Variants in SMIM35 observed in about 807,000 individuals in gnomAD.
SMIM35 encodes TMPRSS4 antisense RNA 1 (non-protein coding).
intron 1 of SMIM35, among the ~76,000 whole-genome samples, chr11:118,074,145 G>T (rs1944615897): frequency 6.6e-6 from 1 of 152,190 alleles, no homozygotes; most frequent in Non-Finnish European, 1.5e-5. Flanking sequence ...GTATGATTGT[G>T]TGAACATATT....
At chr11:118,044,792 T>C (rs1944068918) in intron 1 of SMIM35, among the ~76,000 whole-genome samples, 2 of 62,232 alleles carry the variant, frequency 3.2e-5, no homozygotes, top group Admixed American at 1.8e-4. Flanking sequence ...AAAAAAAAGT[T>C]CATTCTACTA....
intron 1 of SMIM35, among the ~76,000 whole-genome samples, chr11:118,044,630 C>T (rs1421330296): frequency 6.6e-6 from 1 of 151,652 alleles, no homozygotes; most frequent in Non-Finnish European, 1.5e-5. Flanking sequence ...AAAAATTAGC[C>T]AGGCGTGGTG....
chr11:118,031,216 A>G (rs751389783), intron 1 of SMIM35, among the ~76,000 whole-genome samples: 1 of 152,162 alleles, frequency 6.6e-6, no homozygotes, highest in Non-Finnish European at 1.5e-5. Flanking sequence ...AGATATAGAA[A>G]CGGACATAGA....
At chr11:118,011,385 C>T (rs985019825) in intron 4 of SMIM35, among the ~76,000 whole-genome samples, 3 of 152,096 alleles carry the variant, frequency 2.0e-5, no homozygotes, top group Admixed American at 6.5e-5. Flanking sequence ...AGGCAGGGTG[C>T]GGGTACAGAG....
At chr11:118,082,725 C>T (rs552774856) in intron 1 of SMIM35, among the ~76,000 whole-genome samples, 1 of 151,848 alleles carries the variant, frequency 6.6e-6, no homozygotes, top group Non-Finnish European at 1.5e-5. Context: ...GAAAAAAAAA[C>T]CCAAATTACC....
At chr11:118,048,146 A>G (rs1215648283) in intron 1 of SMIM35, among the ~76,000 whole-genome samples, 2 of 152,262 alleles carry the variant, frequency 1.3e-5, no homozygotes, top group African/African-American at 4.8e-5. Context: ...CTTAACTAGC[A>G]TATCAAATCC....
At chr11:118,048,542 G>T (rs1944142195) in intron 1 of SMIM35, among the ~76,000 whole-genome samples, 1 of 4,218 alleles carries the variant, frequency 2.4e-4, no homozygotes, top group African/African-American at 4.8e-4. Context: ...AAGAAAGAAG[G>T]AAGGAAGGAA....
At chr11:118,039,387 T>C (rs979577347) in intron 1 of SMIM35, among the ~76,000 whole-genome samples, 1 of 152,092 alleles carries the variant, frequency 6.6e-6, no homozygotes, top group Non-Finnish European at 1.5e-5. Flanking sequence ...AGGAGTTCTG[T>C]AATGGCCTCT....
chr11:118,016,038 G>A (rs59872579), intron 1 of SMIM35, among the ~76,000 whole-genome samples: 14,372 of 152,232 alleles, frequency 0.094, 945 homozygotes, highest in East Asian at 0.37. Flanking sequence ...CAAAGGAATA[G>A]TCCTCTGATA....
intron 1 of SMIM35, among the ~76,000 whole-genome samples, chr11:118,064,576 G>C (rs920477819): frequency 6.6e-5 from 10 of 152,198 alleles, no homozygotes; most frequent in African/African-American, 2.4e-4. Context: ...GTGCCATCGT[G>C]CCTGGCTTTT....
At chr11:118,009,911 A>G (rs1437880216) in intron 4 of SMIM35, among the ~76,000 whole-genome samples, 3 of 152,194 alleles carry the variant, frequency 2.0e-5, no homozygotes, top group African/African-American at 7.2e-5. Flanking sequence ...CTTATACTAC[A>G]TTCAGTTCTC....
chr11:118,039,536 T>C (rs888494141), intron 1 of SMIM35, among the ~76,000 whole-genome samples: 17 of 151,332 alleles, frequency 1.1e-4, no homozygotes, highest in African/African-American at 4.1e-4. Context: ...ATGGCAAAAC[T>C]CCATCTCTAC....
intron 1 of SMIM35, among the ~76,000 whole-genome samples, chr11:118,069,369 T>A (rs1944535722): frequency 6.6e-6 from 1 of 152,210 alleles, no homozygotes; most frequent in Admixed American, 6.5e-5. Flanking sequence ...TTGCCTGAAC[T>A]ATTGGCACTG....
chr11:118,074,558 T>G (rs1487913218), intron 1 of SMIM35, among the ~76,000 whole-genome samples: 1 of 151,872 alleles, frequency 6.6e-6, no homozygotes, highest in Admixed American at 6.6e-5. Context: ...ACCAGCCTTG[T>G]CAACATGGTG....
intron 1 of SMIM35, among the ~76,000 whole-genome samples, chr11:118,045,330 GCA>G (rs34102097): frequency 0.13 from 18,951 of 145,980 alleles, 1,334 homozygotes; most frequent in African/African-American, 0.19. Flanking sequence ...ATACACACAT[GCA>G]CACACACACA....
rs936918128 is a variant in SMIM35 at position 118,006,048 on chromosome 11, G to GAAGAC, written c.*357_*361dup. The stretch of plus-strand genomic sequence containing the variant: ...GCGCTTTCTGGGAGGCCTCCTTGGG[G>GAAGAC]AAGACAAGACAAAGGTTCTGAAAAC... On this transcript the variant is annotated 3_prime_UTR_variant, in exon 5 of 5. Coordinates refer to ENST00000689828, the MANE Select transcript of SMIM35 (RefSeq NM_001394165.1). The GAAGAC allele has an allele frequency of 2.6e-5, 4 of 152,498 alleles. No homozygotes were observed. The highest frequency in any genetic ancestry group is 4.8e-5 in the African/African-American group (2 of 41,564). 9.4% of individuals were successfully genotyped at this position (152,498 alleles called of 1,614,324 possible). A position where few individuals can be genotyped will look rare whatever the true frequency, so the allele number is the denominator to read the frequency against.
chr11:118,054,331 T>C (rs1394393881), intron 1 of SMIM35, among the ~76,000 whole-genome samples: 1 of 152,234 alleles, frequency 6.6e-6, no homozygotes, highest in African/African-American at 2.4e-5. Context: ...ATGTCCTTTC[T>C]GTACATCTGC....
chr11:118,041,046 A>T (rs553232569), intron 1 of SMIM35, among the ~76,000 whole-genome samples: 2 of 152,128 alleles, frequency 1.3e-5, no homozygotes, highest in South Asian at 4.1e-4. Context: ...TCTATACATC[A>T]CTGGTATTAA....
chr11:118,016,337 T>C (rs372271632), intron 1 of SMIM35, among the ~76,000 whole-genome samples: 21 of 152,360 alleles, frequency 1.4e-4, no homozygotes, highest in African/African-American at 3.1e-4. Flanking sequence ...TTATATTTTA[T>C]TTGTAAAGTC....
Sources: allele counts gnomAD v4.1 joint callset (sites outside exome capture counted in the v4.1 genomes callset), GRCh38; gene constraint gnomAD v4.1.1; transcripts MANE v1.5; gene names NCBI Gene and HGNC (gene_info 2026-07-23, HGNC 2026-07-21).